Variants in MAP3K19 observed in about 807,000 individuals in gnomAD.
MAP3K19 encodes mitogen-activated protein kinase kinase kinase 19, also known as SPS1/STE20-related protein kinase YSK4.
In MAP3K19, 91 loss-of-function variants were observed where a neutral mutation model predicts 114.4. The observed-to-expected ratio is 0.80, with a 90% CI of 0.67 to 0.95. The LOEUF (loss-of-function observed/expected upper bound fraction) is 0.95, where lower values mean the gene tolerates loss of function less well. Among genes scored for constraint, MAP3K19 ranks in the 40% least tolerant of loss-of-function variants. The pLI, the probability that MAP3K19 is intolerant of heterozygous loss-of-function variation, is 0.00. For missense variants in MAP3K19, 1,471 were observed against 1,573.2 expected, an observed-to-expected ratio of 0.94 and a Z score of 1.10; for synonymous variants, 518 against 530.5, an observed-to-expected ratio of 0.98 and a Z score of 0.32.
At chr2:135,001,493 A>C (rs1187048403) in intron 6 of MAP3K19, among the ~76,000 whole-genome samples, 1 of 152,254 alleles carries the variant, frequency 6.6e-6, no homozygotes, top group Admixed American at 6.5e-5. Context: ...GAAGAAACTG[A>C]TAGCAATGAG....
At position 134,986,563 on chromosome 2, in the gene MAP3K19, T is replaced by C. The variant is rs759111127; in HGVS notation, c.2309A>G (p.Lys770Arg). 6.2e-7 allele frequency: 1 copy of C among 1,614,168 alleles called. No individual in the cohort carries two copies. The highest frequency in any genetic ancestry group is 8.5e-7 in the Non-Finnish European group (1 of 1,180,016). Residue 770 changes from lysine (K) to arginine (R), a missense_variant, in exon 10 of 13, where the codon AAG becomes AGG. Lys to Arg is a conservative substitution (Grantham distance 26, BLOSUM62 2). Coordinates refer to ENST00000392915, the MANE Select transcript of MAP3K19 (RefSeq NM_025052.5). ...DGISEPDWQI[K>R]SSGNEFLSSK... is the part of the protein sequence containing the mutation. ...AGATAGAAACTCATTTCCTGAAGAC[T>C]TTATCTGCCAGTCTGGTTCTGAAAT...
intron 1 of MAP3K19, among the ~76,000 whole-genome samples, chr2:135,043,366 TAA>T (rs1422719662): frequency 6.6e-6 from 1 of 152,228 alleles, no homozygotes; most frequent in Non-Finnish European, 1.5e-5. Context: ...TTCCTTGTTA[TAA>T]AGATTCCAAG....
intron 4 of MAP3K19, chr2:135,023,727 G>A (rs575642641): frequency 2.7e-5 from 10 of 374,838 alleles, no homozygotes; most frequent in South Asian, 1.8e-4. Flanking sequence ...CCCCACCCAA[G>A]GACACATTCC....
intron 11 of MAP3K19, chr2:134,983,331 C>T: frequency 1.8e-6 from 1 of 559,246 alleles, no homozygotes; most frequent in Non-Finnish European, 3.6e-6. Flanking sequence ...TGGACTTGAA[C>T]CTGGGAGGAT....
intron 5 of MAP3K19, among the ~76,000 whole-genome samples, chr2:135,015,831 T>C (rs2105350068): frequency 6.6e-6 from 1 of 151,412 alleles, no homozygotes; most frequent in South Asian, 2.1e-4. Context: ...AGTTGGAGGT[T>C]GCAGTGAGCC....
At chr2:135,044,594 C>T (rs1283601622) in intron 1 of MAP3K19, among the ~76,000 whole-genome samples, 1 of 152,130 alleles carries the variant, frequency 6.6e-6, no homozygotes, top group Non-Finnish European at 1.5e-5. Context: ...CCATCTCAAA[C>T]AAACAATGAC....
intron 6 of MAP3K19, among the ~76,000 whole-genome samples, chr2:135,001,415 G>T (rs1027580748): frequency 1.3e-5 from 2 of 152,206 alleles, no homozygotes; most frequent in African/African-American, 4.8e-5. Flanking sequence ...CAAAAAATGA[G>T]AGACTTGGAA....
Position 134,968,598 on chromosome 2 carries a change from C to T in MAP3K19, c.3921-3682G>A, listed in dbSNP as rs1368684430. Among the ~76,000 whole-genome samples the T allele has an allele frequency of 4.5e-3, 668 of 147,462 alleles. 2 individuals are homozygous for T. The highest frequency in any genetic ancestry group is 0.016 in the African/African-American group (607 of 38,542). ...GGGGCTCCTCACTTCTCAGACGGGG[C>T]GGTTGCCAGGCAGAGGGTCTCCTCA... On this transcript the variant is annotated intron_variant, in intron 12 of 12. Transcript: ENST00000392915.
In MAP3K19 at chr2:134,986,645, C is replaced by A; in HGVS notation, c.2227G>T (p.Glu743Ter). The A allele has an allele frequency of 6.2e-7, 1 of 1,614,160 alleles. No homozygotes were observed. Among genetic ancestry groups the A allele is most frequent in the Non-Finnish European group, 8.5e-7 (1 of 1,180,030 alleles). Residue 743 changes from glutamate to a stop codon, truncating the protein, a stop_gained, in exon 10 of 13, where the codon GAA becomes TAA. Coordinates refer to ENST00000392915, the MANE Select transcript of MAP3K19 (RefSeq NM_025052.5). LOFTEE classifies it high-confidence loss of function. ...KQEHKVLISK[E>*]KSSKAVHSNL... ...CTATGTACAGCCTTGGAACTCTTTT[C>A]TTTAGAAATTAAGACTTTGTGCTCT...
At chr2:135,029,029 T>C (rs1300518982) in intron 3 of MAP3K19, among the ~76,000 whole-genome samples, 1 of 152,174 alleles carries the variant, frequency 6.6e-6, no homozygotes, top group African/African-American at 2.4e-5. Flanking sequence ...CAGGTACCAG[T>C]TTCTTAAAAC....
rs1315812328 is a variant in MAP3K19 at position 134,987,154 on chromosome 2, A to T, written c.1718T>A (p.Ile573Asn). 2 of 1,614,012 alleles carry T rather than the reference A, an allele frequency of 1.2e-6. No individual in the cohort carries two copies. The highest frequency in any genetic ancestry group is 1.7e-6 in the Non-Finnish European group (2 of 1,180,026). ...TMHKTSIKTQ[I>N]FPALGLVDPR... ...GTCCACAAGTCCCAAAGCCGGGAAA[A>T]TTTGTGTTTTTATGCTGGTTTTATG... The change falls in exon 10 of 13, where the codon ATT (isoleucine) becomes AAT (asparagine). Residue 573 changes from isoleucine (I) to asparagine (N), a missense_variant. Ile to Asn is a moderately radical substitution (Grantham distance 149, BLOSUM62 -3). Transcript: ENST00000392915.
intron 12 of MAP3K19, among the ~76,000 whole-genome samples, chr2:134,976,658 C>A (rs2105174629): frequency 1.3e-5 from 2 of 152,024 alleles, no homozygotes; most frequent in East Asian, 3.9e-4. Flanking sequence ...AGCACAATGG[C>A]CACCAGATCA....
intron 5 of MAP3K19, among the ~76,000 whole-genome samples, chr2:135,011,528 C>A (rs13417760): frequency 1.5e-5 from 2 of 136,714 alleles, no homozygotes; most frequent in Non-Finnish European, 3.1e-5. Flanking sequence ...CAGAGCGAGA[C>A]TCTGTCTCAA....
At chr2:134,976,619 GA>G (rs1253598879) in intron 12 of MAP3K19, among the ~76,000 whole-genome samples, 1 of 152,032 alleles carries the variant, frequency 6.6e-6, no homozygotes, top group Non-Finnish European at 1.5e-5. Context: ...CAGCCATCTT[GA>G]AGCCCCTCCT....
At chr2:134,983,164 G>C (rs760995617) in intron 11 of MAP3K19, 2 of 530,680 alleles carry the variant, frequency 3.8e-6, no homozygotes, top group South Asian at 1.4e-5. Flanking sequence ...CTATCTGACT[G>C]TATGTTTGTA....
intron 4 of MAP3K19, chr2:135,023,415 T>C (rs1688114655): frequency 1.9e-6 from 1 of 532,434 alleles, no homozygotes. Flanking sequence ...CCCACCATCA[T>C]GTCCTCACAA....
At chr2:134,975,792 C>A (rs1684195321) in intron 12 of MAP3K19, among the ~76,000 whole-genome samples, 1 of 152,178 alleles carries the variant, frequency 6.6e-6, no homozygotes. Context: ...AACCCTGTTG[C>A]TGAAGCGGGT....
At chr2:135,033,232 CG>C (rs1295524604) in intron 2 of MAP3K19, among the ~76,000 whole-genome samples, 1 of 107,432 alleles carries the variant, frequency 9.3e-6, no homozygotes, top group Non-Finnish European at 1.7e-5. Context: ...GGCGGCTGGC[CG>C]GGCGGGGGGC....
At chr2:135,035,851 T>C (rs956462476) in intron 2 of MAP3K19, among the ~76,000 whole-genome samples, 3 of 152,188 alleles carry the variant, frequency 2.0e-5, no homozygotes, top group African/African-American at 4.8e-5. Flanking sequence ...TTTTCCTTTT[T>C]GAGACGGAGT....
Sources: allele counts gnomAD v4.1 joint callset (sites outside exome capture counted in the v4.1 genomes callset), GRCh38; gene constraint gnomAD v4.1.1; transcripts MANE v1.5; gene names NCBI Gene and HGNC (gene_info 2026-07-23, HGNC 2026-07-21).